SPOCK3: variants seen among roughly 807,000 people sequenced by gnomAD.
SPOCK3 encodes testican-3.
A neutral mutation model predicts 56.6 loss-of-function variants in SPOCK3; 30 were observed. That is an observed-to-expected ratio of 0.53 (90% confidence interval 0.40 to 0.72). The LOEUF is 0.72. SPOCK3 is among the 30% of genes least tolerant of loss of function. The pLI is 0.00. For synonymous variants in SPOCK3, 196 were observed against 183.3 expected (o/e 1.07, Z -0.56); for missense variants, 527 against 530.0 (o/e 0.99, Z 0.06).
intron 6 of SPOCK3, among the ~76,000 whole-genome samples, chr4:166,825,849 C>A (rs560961156): frequency 6.6e-6 from 1 of 152,052 alleles, no homozygotes; most frequent in Non-Finnish European, 1.5e-5. Flanking sequence ...TATAAGGATG[C>A]AAAGGCATAA....
intron 5 of SPOCK3, among the ~76,000 whole-genome samples, chr4:166,893,093 G>T (rs538338186): frequency 6.6e-6 from 1 of 152,078 alleles, no homozygotes; most frequent in African/African-American, 2.4e-5. Context: ...GTGATTGTTT[G>T]GGCATCTACT....
chr4:166,939,561 C>T (rs1299291556), intron 4 of SPOCK3, among the ~76,000 whole-genome samples: 1 of 152,094 alleles, frequency 6.6e-6, no homozygotes, highest in African/African-American at 2.4e-5. Flanking sequence ...GGAAATGATA[C>T]CTGAGTTGGG....
intron 2 of SPOCK3, chr4:167,083,092 C>G: frequency 2.7e-6 from 2 of 730,824 alleles, no homozygotes; most frequent in Non-Finnish European, 2.5e-6. Flanking sequence ...CAAAGAGCCC[C>G]CCTCACACAA....
chr4:166,800,573 G>A (rs1031237535), intron 6 of SPOCK3, among the ~76,000 whole-genome samples: 1 of 151,822 alleles, frequency 6.6e-6, no homozygotes, highest in Non-Finnish European at 1.5e-5. Flanking sequence ...TTTGTGTCAG[G>A]TTTATCAAAA....
chr4:166,938,180 G>C (rs546222606), intron 4 of SPOCK3, among the ~76,000 whole-genome samples: 1 of 152,222 alleles, frequency 6.6e-6, no homozygotes, highest in African/African-American at 2.4e-5. Flanking sequence ...AAGAATGACA[G>C]AGGGAATCCT....
chr4:167,180,583 T>C (rs1418419210), intron 2 of SPOCK3, among the ~76,000 whole-genome samples: 1 of 152,184 alleles, frequency 6.6e-6, no homozygotes, highest in Non-Finnish European at 1.5e-5. Flanking sequence ...GGTGGTCTCA[T>C]TTTTATGCAC....
chr4:167,084,637 G>C (rs1441608300), intron 2 of SPOCK3, among the ~76,000 whole-genome samples: 1 of 152,120 alleles, frequency 6.6e-6, no homozygotes, highest in Non-Finnish European at 1.5e-5. Context: ...ATCATAGGAA[G>C]TGGGAAGTCT....
intron 2 of SPOCK3, among the ~76,000 whole-genome samples, chr4:167,216,559 A>T (rs189135454): frequency 1.3e-5 from 2 of 152,186 alleles, no homozygotes; most frequent in African/African-American, 4.8e-5. Context: ...TATGCAAGCG[A>T]TTTGATTGGG....
intron 2 of SPOCK3, among the ~76,000 whole-genome samples, chr4:167,071,244 T>C (rs184630866): frequency 6.6e-6 from 1 of 152,000 alleles, no homozygotes; most frequent in Non-Finnish European, 1.5e-5. Flanking sequence ...AAGAATCTTT[T>C]GTTTGTTTTA....
At chr4:167,204,165 T>G (rs1419315402) in intron 2 of SPOCK3, among the ~76,000 whole-genome samples, 1 of 151,898 alleles carries the variant, frequency 6.6e-6, no homozygotes, top group Non-Finnish European at 1.5e-5. Flanking sequence ...CCCTTCCTCC[T>G]TTCCTCCCCT....
intron 4 of SPOCK3, among the ~76,000 whole-genome samples, chr4:166,976,486 A>T (rs1745960322): frequency 2.6e-5 from 4 of 152,118 alleles, no homozygotes; most frequent in Admixed American, 1.3e-4. Context: ...TGAAACTCTC[A>T]GTCTTGACTT....
intron 2 of SPOCK3, among the ~76,000 whole-genome samples, chr4:167,226,108 C>T (rs1433879395): frequency 6.6e-6 from 1 of 152,146 alleles, no homozygotes; most frequent in Non-Finnish European, 1.5e-5. Context: ...GAATTCCATT[C>T]CTATGACCAA....
intron 2 of SPOCK3, among the ~76,000 whole-genome samples, chr4:167,199,224 T>TG (rs1733263050): frequency 1.4e-5 from 2 of 139,688 alleles, no homozygotes; most frequent in East Asian, 2.1e-4. Flanking sequence ...TAAATATTTG[T>TG]TTGTGTGTGT....
intron 4 of SPOCK3, among the ~76,000 whole-genome samples, chr4:166,985,892 C>T (rs373616574): frequency 6.6e-6 from 1 of 152,080 alleles, no homozygotes; most frequent in Non-Finnish European, 1.5e-5. Context: ...TCCAAACAAA[C>T]GTAACAGATA....
At chr4:166,806,393 G>A (rs1472551630) in intron 6 of SPOCK3, among the ~76,000 whole-genome samples, 1 of 151,876 alleles carries the variant, frequency 6.6e-6, no homozygotes, top group East Asian at 1.9e-4. Context: ...CATCTCCCTG[G>A]AGATTGTTTA....
At chr4:166,851,437 C>T (rs1553987690) in intron 6 of SPOCK3, among the ~76,000 whole-genome samples, 1 of 152,232 alleles carries the variant, frequency 6.6e-6, no homozygotes, top group Non-Finnish European at 1.5e-5. Flanking sequence ...GAACGCAGTT[C>T]CTCACCAGCA....
At chr4:167,203,848 A>G (rs1733765686) in intron 2 of SPOCK3, among the ~76,000 whole-genome samples, 1 of 152,158 alleles carries the variant, frequency 6.6e-6, no homozygotes, top group Non-Finnish European at 1.5e-5. Flanking sequence ...GCATTGCCTA[A>G]TACTTGCAGC....
At chr4:167,037,029 A>G (rs1441795278) in intron 3 of SPOCK3, among the ~76,000 whole-genome samples, 5 of 152,164 alleles carry the variant, frequency 3.3e-5, no homozygotes, top group African/African-American at 1.2e-4. Context: ...GAAGATTTAC[A>G]CTTTTAAATT....
chr4:166,790,034 T>C (rs1741165956), intron 7 of SPOCK3, among the ~76,000 whole-genome samples: 1 of 152,214 alleles, frequency 6.6e-6, no homozygotes, highest in African/African-American at 2.4e-5. Context: ...CCTAGGGCAC[T>C]AATTGAGTGA....
Sources: gnomAD v4.1 joint callset for allele counts (sites outside exome capture counted in the v4.1 genomes callset) on GRCh38, gnomAD v4.1.1 for gene constraint, MANE v1.5 for transcripts, NCBI Gene and HGNC (gene_info 2026-07-23, HGNC 2026-07-21) for gene names.